The following ZNF385D variants were observed in gnomAD, a reference collection of about 807,000 sequenced individuals.
ZNF385D encodes zinc finger protein 659.
ZNF385D carries 15 observed loss-of-function variants against 35.8 expected under a neutral mutation model. That is an observed-to-expected ratio of 0.42 (90% CI 0.28 to 0.64). The LOEUF (loss-of-function observed/expected upper bound fraction) is 0.64. ZNF385D is among the 30% of genes least tolerant of loss of function. ZNF385D has a pLI of 0.23. For synonymous variants in ZNF385D, 212 were observed against 186.8 expected, an observed-to-expected ratio of 1.13 and a Z score of -1.10; for missense variants, 474 against 494.6, an observed-to-expected ratio of 0.96 and a Z score of 0.39.
intron 3 of ZNF385D, among the ~76,000 whole-genome samples, chr3:22,048,421 A>G (rs535935408): frequency 2.0e-5 from 3 of 152,258 alleles, no homozygotes; most frequent in African/African-American, 7.2e-5. Context: ...TGATTTTTCA[A>G]TGGGGTGCAA....
chr3:22,356,922 A>C (rs1165524391), intron 2 of ZNF385D, among the ~76,000 whole-genome samples: 3 of 152,100 alleles, frequency 2.0e-5, no homozygotes, highest in African/African-American at 7.2e-5. Flanking sequence ...GTCTACTATT[A>C]AGTGAGTAAA....
intron 2 of ZNF385D, among the ~76,000 whole-genome samples, chr3:21,618,859 G>C (rs1427374730): frequency 1.3e-5 from 2 of 152,176 alleles, no homozygotes; most frequent in East Asian, 3.9e-4. Context: ...ACTCCCACTA[G>C]CTTCCTTATA....
At chr3:22,184,568 G>A (rs560564441) in intron 2 of ZNF385D, among the ~76,000 whole-genome samples, 2 of 152,106 alleles carry the variant, frequency 1.3e-5, no homozygotes, top group Non-Finnish European at 2.9e-5. Flanking sequence ...GCTCATGCCT[G>A]TAATCCCAGC....
chr3:21,430,057 G>A (rs1160031047), intron 5 of ZNF385D, among the ~76,000 whole-genome samples: 4 of 151,952 alleles, frequency 2.6e-5, no homozygotes, highest in Non-Finnish European at 5.9e-5. Flanking sequence ...GCTTCCATGT[G>A]TTCTTTTAAA....
intron 3 of ZNF385D, among the ~76,000 whole-genome samples, chr3:21,861,632 C>A (rs1284019939): frequency 6.6e-6 from 1 of 152,056 alleles, no homozygotes; most frequent in Non-Finnish European, 1.5e-5. Context: ...TAGGGAGAAT[C>A]CTTTTAATAG....
intron 3 of ZNF385D, among the ~76,000 whole-genome samples, chr3:21,757,811 C>T (rs2070414826): frequency 1.3e-5 from 2 of 152,170 alleles, no homozygotes; most frequent in Admixed American, 6.5e-5. Context: ...TTGCTTCTTT[C>T]TCCAACAACA....
chr3:22,081,583 G>A (rs1700751513), intron 3 of ZNF385D, among the ~76,000 whole-genome samples: 1 of 152,106 alleles, frequency 6.6e-6, no homozygotes, highest in Non-Finnish European at 1.5e-5. Context: ...TAGATAGACT[G>A]GTGTTTTAGA....
At chr3:21,483,154 T>C (rs921039822) in intron 4 of ZNF385D, among the ~76,000 whole-genome samples, 2 of 152,142 alleles carry the variant, frequency 1.3e-5, no homozygotes, top group Non-Finnish European at 2.9e-5. Context: ...ATTAAAGTCA[T>C]AGCTTACCTC....
At chr3:22,168,028 T>G (rs1167182711) in intron 3 of ZNF385D, among the ~76,000 whole-genome samples, 1 of 152,204 alleles carries the variant, frequency 6.6e-6, no homozygotes, top group African/African-American at 2.4e-5. Context: ...AAAATCTTTA[T>G]GATGTCAAAT....
At chr3:22,032,490 T>A (rs545868994) in intron 3 of ZNF385D, among the ~76,000 whole-genome samples, 1 of 152,148 alleles carries the variant, frequency 6.6e-6, no homozygotes, top group Non-Finnish European at 1.5e-5. Context: ...ACCCACCAGG[T>A]TCTTCCCTTG....
intron 1 of ZNF385D, among the ~76,000 whole-genome samples, chr3:21,719,919 C>A (rs969355043): frequency 6.6e-6 from 1 of 152,216 alleles, no homozygotes; most frequent in African/African-American, 2.4e-5. Context: ...AACTCTCTCT[C>A]TCATAACTAG....
intron 4 of ZNF385D, among the ~76,000 whole-genome samples, chr3:21,477,929 G>A (rs1199200371): frequency 6.6e-6 from 1 of 152,122 alleles, no homozygotes; most frequent in East Asian, 1.9e-4. Context: ...CTCAATGATA[G>A]TGAATTTCTC....
intron 3 of ZNF385D, among the ~76,000 whole-genome samples, chr3:21,530,368 A>G (rs2061894097): frequency 6.6e-6 from 1 of 152,204 alleles, no homozygotes; most frequent in Admixed American, 6.5e-5. Context: ...CAGTGCCTTG[A>G]GCAAAGTCTA....
intron 3 of ZNF385D, among the ~76,000 whole-genome samples, chr3:21,983,097 G>A (rs976589985): frequency 1.0e-4 from 15 of 150,548 alleles, no homozygotes; most frequent in Middle Eastern, 3.4e-3. Context: ...AGATGTTGTT[G>A]GCCTCATAGA....
At chr3:21,961,021 G>A (rs925221902) in intron 3 of ZNF385D, among the ~76,000 whole-genome samples, 1 of 151,984 alleles carries the variant, frequency 6.6e-6, no homozygotes, top group Non-Finnish European at 1.5e-5. Flanking sequence ...GGTTGATATG[G>A]TTAACTATAA....
chr3:21,882,229 T>C (rs1698315241), intron 3 of ZNF385D, among the ~76,000 whole-genome samples: 1 of 151,836 alleles, frequency 6.6e-6, no homozygotes, highest in Non-Finnish European at 1.5e-5. Flanking sequence ...GAAAAGAAAA[T>C]GCAGTAAACA....
intron 3 of ZNF385D, among the ~76,000 whole-genome samples, chr3:21,546,061 C>T (rs2062359491): frequency 6.6e-6 from 1 of 152,018 alleles, no homozygotes; most frequent in Non-Finnish European, 1.5e-5. Flanking sequence ...TCAGTCCTAT[C>T]ATATTTTTTT....
intron 4 of ZNF385D, among the ~76,000 whole-genome samples, chr3:21,439,594 A>G (rs1701757914): frequency 6.6e-6 from 1 of 152,070 alleles, no homozygotes; most frequent in African/African-American, 2.4e-5. Flanking sequence ...TTAATCTGAA[A>G]ATGGCACATA....
intron 3 of ZNF385D, among the ~76,000 whole-genome samples, chr3:21,795,488 C>A (rs777906652): frequency 6.6e-6 from 1 of 152,178 alleles, no homozygotes; most frequent in South Asian, 2.1e-4. Flanking sequence ...AAATAATTGA[C>A]AGTGAGGGAG....
Sources: gnomAD v4.1 joint callset for allele counts (sites outside exome capture counted in the v4.1 genomes callset) on GRCh38, gnomAD v4.1.1 for gene constraint, MANE v1.5 for transcripts, NCBI Gene and HGNC (gene_info 2026-07-23, HGNC 2026-07-21) for gene names.